XRCC5: variants seen among roughly 807,000 people sequenced by gnomAD.
The protein encoded by XRCC5 is X-ray repair cross complementing 5, also known as DNA repair protein Ku80.
Under a neutral mutation model 95.7 loss-of-function variants are expected in XRCC5, and 12 were observed. That is an observed-to-expected ratio of 0.13 (90% confidence interval 0.08 to 0.20). XRCC5 has a LOEUF of 0.20. Among genes scored for constraint, XRCC5 ranks in the 10% least tolerant of loss-of-function variants. The probability of loss-of-function intolerance (pLI) is 1.00; values close to 1 mark genes in which losing one functional copy is unlikely to be tolerated. For missense variants in XRCC5, 595 were observed against 873.9 expected (o/e 0.68, Z 4.02); for synonymous variants, 281 against 290.3 (o/e 0.97, Z 0.33).
At chr2:216,120,937 T>C (rs1380327583) in intron 5 of XRCC5, among the ~76,000 whole-genome samples, 2 of 152,150 alleles carry the variant, frequency 1.3e-5, no homozygotes, top group Non-Finnish European at 2.9e-5. Flanking sequence ...GGTTTTACCA[T>C]GTTGGCCAGG....
At chr2:216,205,117 C>T in intron 20 of XRCC5, 71 bp from the exon 21 acceptor site, 1 of 1,580,566 alleles carries the variant, frequency 6.3e-7, no homozygotes, top group East Asian at 2.2e-5. Context: ...TCATTAAACC[C>T]TCTCTCACCA....
At chr2:216,197,290 C>G (rs1012126041) in intron 19 of XRCC5, among the ~76,000 whole-genome samples, 22 of 151,812 alleles carry the variant, frequency 1.4e-4, no homozygotes, top group African/African-American at 4.1e-4. Flanking sequence ...AGATGGTGTC[C>G]TTAGATAATT....
intron 12 of XRCC5, among the ~76,000 whole-genome samples, chr2:216,138,582 C>T (rs2111961): frequency 6.6e-6 from 1 of 152,176 alleles, no homozygotes; most frequent in Non-Finnish European, 1.5e-5. Context: ...TAACTTTTCT[C>T]TTTGCCCTGT....
chr2:216,190,364 C>T, intron 17 of XRCC5, 30 bp downstream of exon 17: 1 of 1,592,338 alleles, frequency 6.3e-7, no homozygotes, highest in Non-Finnish European at 8.6e-7. Flanking sequence ...TCTTTTCTTC[C>T]TAAACAGTTG....
At chr2:216,176,594 G>C (rs1188164279) in intron 16 of XRCC5, among the ~76,000 whole-genome samples, 1 of 152,014 alleles carries the variant, frequency 6.6e-6, no homozygotes, top group African/African-American at 2.4e-5. Flanking sequence ...TGGGGATTTT[G>C]TATCTTCCCT....
chr2:216,138,204 C>G (rs772713414), intron 12 of XRCC5, 25 bp downstream of exon 12: 1 of 1,585,814 alleles, frequency 6.3e-7, no homozygotes, highest in Middle Eastern at 1.7e-4. Flanking sequence ...ATTTAGATCA[C>G]TCATTGACTA....
At chr2:216,135,192 G>C (rs756207181) in intron 10 of XRCC5, among the ~76,000 whole-genome samples, 3 of 152,150 alleles carry the variant, frequency 2.0e-5, no homozygotes, top group Non-Finnish European at 4.4e-5. Flanking sequence ...AGTGAGAGAA[G>C]TACATAGTGT....
intron 18 of XRCC5, among the ~76,000 whole-genome samples, chr2:216,193,642 GTC>G (rs1194246393): frequency 6.6e-6 from 1 of 152,194 alleles, no homozygotes; most frequent in Non-Finnish European, 1.5e-5. Context: ...TCACTTTTGT[GTC>G]TCTGCTGTTG....
chr2:216,187,851 TCTCTCTC>T (rs1183592177), intron 16 of XRCC5, among the ~76,000 whole-genome samples: 11 of 134,572 alleles, frequency 8.2e-5, no homozygotes, highest in African/African-American at 3.2e-4. Context: ...TCTCTCTCTC[TCTCTCTC>T]TCTCCCCGTC....
chr2:216,189,520 A>G (rs1357470080), intron 16 of XRCC5, among the ~76,000 whole-genome samples: 1 of 152,246 alleles, frequency 6.6e-6, no homozygotes, highest in Non-Finnish European at 1.5e-5. Flanking sequence ...TACTTTGGAA[A>G]TGATAACACT....
Position 216,141,233 on chromosome 2 carries a change from G to T in XRCC5, c.1390G>T (p.Ala464Ser). The change falls in exon 13 of 21, where the codon GCA becomes TCA. Residue 464 changes from alanine to serine, a missense_variant. Ala to Ser is a moderately conservative substitution (Grantham distance 99). Coordinates refer to ENST00000392132, the MANE Select transcript of XRCC5 (RefSeq NM_021141.4). ...VDALIDSMSL[A>S]KKDEKTDTLE... is the part of the protein sequence containing the mutation. Reference sequence around the variant, plus strand: ...TGCTTTGATTGACTCCATGAGCTTGGCAAAGAAAGATGAGAAGACAGACAC... The same window carrying T: ...TGCTTTGATTGACTCCATGAGCTTGTCAAAGAAAGATGAGAAGACAGACAC... The T allele has an allele frequency of 6.2e-7, 1 of 1,614,092 alleles. No homozygotes were observed. Among genetic ancestry groups the T allele is most frequent in the South Asian group, 1.1e-5 (1 of 91,074 alleles).
intron 8 of XRCC5, among the ~76,000 whole-genome samples, chr2:216,129,437 A>G (rs1472191383): frequency 1.3e-5 from 2 of 152,222 alleles, no homozygotes; most frequent in African/African-American, 4.8e-5. Context: ...CAAAAGTTGG[A>G]GTTATATGCC....
At chr2:216,153,509 G>T (rs187361770) in intron 14 of XRCC5, among the ~76,000 whole-genome samples, 2 of 152,326 alleles carry the variant, frequency 1.3e-5, no homozygotes, top group Non-Finnish European at 1.5e-5. Context: ...TGAACTACCT[G>T]AAATTACATT....
chr2:216,175,852 C>A, intron 16 of XRCC5: 1 of 429,750 alleles, frequency 2.3e-6, no homozygotes. Context: ...TGAGTGTGCC[C>A]CCTTTCTCAA....
At chr2:216,148,306 T>C (rs1199734857) in intron 14 of XRCC5, 30 bp downstream of exon 14, 28 of 1,584,432 alleles carry the variant, frequency 1.8e-5, no homozygotes, top group South Asian at 3.5e-5. Flanking sequence ...GCATTTAACA[T>C]TGGGGTACAT....
intron 14 of XRCC5, chr2:216,156,506 C>T: frequency 1.6e-6 from 1 of 628,286 alleles, no homozygotes; most frequent in Non-Finnish European, 3.1e-6. Context: ...TCAATCACAG[C>T]AAAACAAGAC....
intron 16 of XRCC5, among the ~76,000 whole-genome samples, chr2:216,187,504 G>A (rs1689518354): frequency 8.1e-6 from 1 of 123,276 alleles, no homozygotes; most frequent in Admixed American, 7.7e-5. Flanking sequence ...GTGTGTGTGT[G>A]TGTGTGTGTG....
Position 216,141,177 on chromosome 2 carries a change from CTGTT to C in XRCC5, c.1343-7_1343-4del. On this transcript the variant is annotated splice_region_variant and splice_polypyrimidine_tract_variant and intron_variant, in intron 12 of 20. Transcript: ENST00000392132. ...AATAATCATTTTTCTTTCGGCTTCT[CTGTT>C]TAAGAGGCACAGTTGAATGCTGTTG... 5 of 1,609,388 alleles carry C rather than the reference CTGTT, an allele frequency of 3.1e-6. No homozygotes were observed. Among genetic ancestry groups the C allele is most frequent in the Non-Finnish European group, 4.2e-6 (5 of 1,178,704 alleles).
At position 216,126,017 on chromosome 2, in the gene XRCC5, G is replaced by T. The variant is rs757424923; in HGVS notation, c.784G>T (p.Ala262Ser). The T allele has an allele frequency of 3.7e-6, 6 of 1,612,746 alleles. No individual in the cohort carries two copies. Among genetic ancestry groups the T allele is most frequent in the Non-Finnish European group, 4.2e-6 (5 of 1,178,932 alleles). ...TGGCTCCAATTTGTCTATAAGGATT[G>T]CAGCCTATAAATCGGTAAGTGGCAG... Reference protein sequence around the residue: ...TIGSNLSIRIAAYKSILQERV... With the variant: ...TIGSNLSIRISAYKSILQERV... The change falls in exon 7 of 21, where the codon GCA becomes TCA. Residue 262 changes from alanine to serine, a missense_variant. Around this residue, in one of 2 missense-constraint regions of XRCC5, gnomAD observed 286 missense variants for 491.1 expected, o/e 0.58. Transcript: ENST00000392132.
Sources: allele counts gnomAD v4.1 joint callset (sites outside exome capture counted in the v4.1 genomes callset), GRCh38; gene constraint gnomAD v4.1.1; regional missense constraint gnomAD v4.1.1; transcripts MANE v1.5; gene names NCBI Gene and HGNC (gene_info 2026-07-23, HGNC 2026-07-21).